RHOJ: variants seen among roughly 807,000 people sequenced by gnomAD.
RHOJ encodes the protein ras homolog family member J.
In RHOJ, 11 loss-of-function variants were observed where a neutral mutation model predicts 23.4. The observed-to-expected ratio is 0.47, with a 90% CI of 0.30 to 0.78. RHOJ has a LOEUF of 0.78. Among genes scored for constraint, RHOJ ranks in the 30% least tolerant of loss-of-function variants. The probability of loss-of-function intolerance (pLI) is 0.08; values close to 1 mark genes in which losing one functional copy is unlikely to be tolerated. For missense variants in RHOJ, 254 were observed against 273.4 expected (o/e 0.93, Z 0.50); for synonymous variants, 102 against 102.7 (o/e 0.99, Z 0.04).
At chr14:63,270,432 A>T (rs1477039479) in intron 2 of RHOJ, among the ~76,000 whole-genome samples, 1 of 152,168 alleles carries the variant, frequency 6.6e-6, no homozygotes, top group Non-Finnish European at 1.5e-5. Flanking sequence ...TTGGTAAGCT[A>T]CCGCCAGGAA....
chr14:63,258,125 G>C (rs996503937), intron 1 of RHOJ, among the ~76,000 whole-genome samples: 4 of 148,778 alleles, frequency 2.7e-5, no homozygotes, highest in African/African-American at 9.9e-5. Context: ...CTACTCAGGA[G>C]TCTGAGACAG....
chr14:63,249,151 GA>G (rs1434987856), intron 1 of RHOJ, among the ~76,000 whole-genome samples: 2 of 152,208 alleles, frequency 1.3e-5, no homozygotes, highest in East Asian at 3.8e-4. Flanking sequence ...AAGAAGGCAT[GA>G]AATTGATGCT....
intron 4 of RHOJ, 141 bp downstream of exon 4, chr14:63,283,357 CT>C: frequency 2.8e-6 from 2 of 718,186 alleles, no homozygotes; most frequent in Middle Eastern, 2.6e-4. Flanking sequence ...TATTCTCCCC[CT>C]CTGTTCTAGT....
intron 1 of RHOJ, 108 bp downstream of exon 1, chr14:63,205,155 C>T (rs1894081851): frequency 8.4e-7 from 1 of 1,190,608 alleles, no homozygotes. Context: ...GGGTGCGGGC[C>T]TGGCAGTAAC....
intron 2 of RHOJ, among the ~76,000 whole-genome samples, chr14:63,279,652 A>C (rs1881838991): frequency 6.6e-6 from 1 of 152,242 alleles, no homozygotes; most frequent in South Asian, 2.1e-4. Context: ...AAACTCTTCC[A>C]TGAGCATATT....
Position 63,205,103 on chromosome 14 carries a change from C to G in RHOJ, c.178+56C>G, listed in dbSNP as rs761528235. 4.5e-6 allele frequency: 7 copies of G among 1,560,340 alleles called. No individual in the cohort carries two copies. The Admixed American group carries it at 7.2e-5, about 16-fold the overall frequency. On this transcript the variant is annotated intron_variant, in intron 1 of 4. Coordinates refer to ENST00000316754, the MANE Select transcript of RHOJ (RefSeq NM_020663.5). ...AGACAAACGATGCAGGGGGCGAGAC[C>G]CTAAGTTCAGAGGGGCCTGGCTCAT...
intron 1 of RHOJ, among the ~76,000 whole-genome samples, chr14:63,209,240 G>T (rs1176578763): frequency 6.6e-6 from 1 of 151,978 alleles, no homozygotes; most frequent in Non-Finnish European, 1.5e-5. Context: ...CACATAGCTG[G>T]CAGAGGGACT....
chr14:63,238,038 A>T (rs1227397227), intron 1 of RHOJ, among the ~76,000 whole-genome samples: 9 of 152,230 alleles, frequency 5.9e-5, no homozygotes, highest in Admixed American at 5.2e-4. Flanking sequence ...TAATGAGTTC[A>T]TCCCTTGGCC....
chr14:63,246,404 T>C (rs2139635938), intron 1 of RHOJ, among the ~76,000 whole-genome samples: 1 of 152,328 alleles, frequency 6.6e-6, no homozygotes, highest in South Asian at 2.1e-4. Context: ...GGAATCTCTA[T>C]AAAAACCACA....
At chr14:63,243,006 CA>C (rs1367696627) in intron 1 of RHOJ, among the ~76,000 whole-genome samples, 1 of 152,072 alleles carries the variant, frequency 6.6e-6, no homozygotes, top group Non-Finnish European at 1.5e-5. Flanking sequence ...CACTGGATTC[CA>C]AGGGGCATGA....
intron 1 of RHOJ, 103 bp downstream of exon 1, chr14:63,205,150 C>A: frequency 7.9e-7 from 1 of 1,266,814 alleles, no homozygotes; most frequent in Non-Finnish European, 1.1e-6. Context: ...GTATTGGGTG[C>A]GGGCCTGGCA....
At chr14:63,290,024 C>T (rs1489449255) in intron 4 of RHOJ, among the ~76,000 whole-genome samples, 2 of 151,980 alleles carry the variant, frequency 1.3e-5, no homozygotes, top group African/African-American at 2.4e-5. Context: ...GGGCGCATCA[C>T]ATGAGGTCAG....
intron 3 of RHOJ, 66 bp downstream of exon 3, chr14:63,281,201 G>A (rs756625474): frequency 7.5e-6 from 11 of 1,463,962 alleles, no homozygotes; most frequent in Middle Eastern, 2.2e-4. Context: ...TAGGTACCTC[G>A]TGAACATCCT....
At chr14:63,230,795 A>G (rs139738650) in intron 1 of RHOJ, among the ~76,000 whole-genome samples, 68 of 149,302 alleles carry the variant, frequency 4.6e-4, no homozygotes, top group African/African-American at 7.8e-4. Flanking sequence ...CCTGCACTCA[A>G]TAAATATTTT....
chr14:63,259,371 C>A (rs1393294806), intron 1 of RHOJ, among the ~76,000 whole-genome samples: 1 of 152,212 alleles, frequency 6.6e-6, no homozygotes, highest in Non-Finnish European at 1.5e-5. Flanking sequence ...CTTTCAGTGA[C>A]AACGCATAAC....
intron 1 of RHOJ, among the ~76,000 whole-genome samples, chr14:63,221,126 C>T (rs921491780): frequency 2.6e-5 from 4 of 151,960 alleles, no homozygotes; most frequent in East Asian, 1.9e-4. Context: ...TCCAGGAGTT[C>T]GAGACCAGCC....
intron 1 of RHOJ, among the ~76,000 whole-genome samples, chr14:63,250,325 G>A (rs1232062839): frequency 6.6e-6 from 1 of 152,072 alleles, no homozygotes; most frequent in Non-Finnish European, 1.5e-5. Context: ...GCTCACTGCA[G>A]CCTTAACCAC....
chr14:63,229,927 C>G (rs1474691260), intron 1 of RHOJ, among the ~76,000 whole-genome samples: 2 of 152,160 alleles, frequency 1.3e-5, no homozygotes, highest in African/African-American at 2.4e-5. Flanking sequence ...CATGTCAACA[C>G]TAATTATCCC....
intron 1 of RHOJ, among the ~76,000 whole-genome samples, chr14:63,205,848 C>T (rs1413844651): frequency 6.6e-6 from 1 of 152,200 alleles, no homozygotes; most frequent in African/African-American, 2.4e-5. Flanking sequence ...TATCTAAATT[C>T]TTCCATTTTG....
Sources: gnomAD v4.1 joint callset for allele counts (sites outside exome capture counted in the v4.1 genomes callset) on GRCh38, gnomAD v4.1.1 for gene constraint, MANE v1.5 for transcripts, NCBI Gene and HGNC (gene_info 2026-07-23, HGNC 2026-07-21) for gene names.